The following MCUR1 variants were observed in gnomAD, a reference collection of about 807,000 sequenced individuals.
MCUR1 encodes the protein mitochondrial calcium uniporter regulator 1.
MCUR1 carries 37 observed loss-of-function variants against 42.0 expected under a neutral mutation model. That is an observed-to-expected ratio of 0.88 (90% CI 0.68 to 1.16). MCUR1 has a LOEUF of 1.16. MCUR1 is among the 50% of genes most tolerant of loss of function. The pLI, the probability that MCUR1 is intolerant of heterozygous loss-of-function variation, is 0.00. For missense variants in MCUR1, 469 were observed against 468.4 expected, an observed-to-expected ratio of 1.00 and a Z score of -0.01; for synonymous variants, 229 against 196.2, an observed-to-expected ratio of 1.17 and a Z score of -1.40.
Position 13,805,805 on chromosome 6 carries a change from TAGAG to T in MCUR1, c.535+1116_535+1119del, listed in dbSNP as rs1396357479. On this transcript the variant is annotated intron_variant, in intron 2 of 8. Transcript: ENST00000379170. Reference sequence around the variant, plus strand: ...TGATTTTTGAGAATGTGTCACCATATAGAGAATTATAATCGGTGTATTTGTCTAA... The same window carrying T: ...TGATTTTTGAGAATGTGTCACCATATAATTATAATCGGTGTATTTGTCTAA... 7.2e-5 allele frequency among the ~76,000 whole-genome samples: 11 copies of T among 152,344 alleles called. No homozygotes were observed. In the East Asian group the frequency reaches 2.1e-3, roughly 29 times the overall value.
intron 5 of MCUR1, 123 bp downstream of exon 5, chr6:13,800,206 TGTGTACTTTTGA>T: frequency 1.7e-6 from 1 of 605,290 alleles, no homozygotes; most frequent in African/African-American, 1.9e-5. Flanking sequence ...AATCTTCCAA[TGTGTACTTTTGA>T]GGCATATTAC....
intron 6 of MCUR1, among the ~76,000 whole-genome samples, chr6:13,796,413 G>A (rs1184979215): frequency 6.6e-6 from 1 of 150,814 alleles, no homozygotes; most frequent in Non-Finnish European, 1.5e-5. Context: ...TCAGTCTCCC[G>A]AGTAGCTGAG....
At chr6:13,811,399 T>C (rs1430803253) in intron 1 of MCUR1, among the ~76,000 whole-genome samples, 2 of 152,120 alleles carry the variant, frequency 1.3e-5, no homozygotes, top group African/African-American at 2.4e-5. Context: ...TATGAAACTG[T>C]CTAGAGGGAA....
At chr6:13,809,774 TTCCCAGCTAC>T (rs1258043311) in intron 1 of MCUR1, among the ~76,000 whole-genome samples, 42 of 151,540 alleles carry the variant, frequency 2.8e-4, no homozygotes, top group African/African-American at 1.0e-3. Context: ...TGTGCCTGTA[TTCCCAGCTAC>T]TCCCAGCTAC....
chr6:13,797,711 C>A (rs1759889131), intron 6 of MCUR1, among the ~76,000 whole-genome samples: 2 of 148,446 alleles, frequency 1.3e-5, no homozygotes, highest in South Asian at 2.1e-4. Flanking sequence ...CCGCCTCAAA[C>A]AAAAACAAAG....
chr6:13,800,282 A>C (rs553770827), intron 5 of MCUR1, 59 bp downstream of exon 5: 1 of 1,108,884 alleles, frequency 9.0e-7, no homozygotes, highest in African/African-American at 1.6e-5. Flanking sequence ...CTAATATTAT[A>C]CTTATTAATA....
rs1759612466 is a variant in MCUR1 at position 13,786,765 on chromosome 6, T to A, written c.*4044A>T. 1 of 152,168 alleles carries A rather than the reference T, an allele frequency of 6.6e-6. No homozygotes were observed. Among genetic ancestry groups the A allele is most frequent in the South Asian group, 2.1e-4 (1 of 4,834 alleles). The allele number at this position is 152,168 out of a possible 1,614,324, so 9.4% of individuals were successfully genotyped here. A position where few individuals can be genotyped will look rare whatever the true frequency, so the allele number is the denominator to read the frequency against. ...TTTTAGATAGTAAGAATCTTACACT[T>A]TATTAGATAATAAAACATAATTGAT... On this transcript the variant is annotated 3_prime_UTR_variant, in exon 9 of 9. Coordinates refer to ENST00000379170, the MANE Select transcript of MCUR1 (RefSeq NM_001031713.4).
At chr6:13,790,992 C>G (rs1038971806) in intron 8 of MCUR1, 128 bp from the exon 9 acceptor site, 6 of 595,700 alleles carry the variant, frequency 1.0e-5, no homozygotes, top group Non-Finnish European at 1.8e-5. Context: ...TCCCATATTC[C>G]GTGAAACGCC....
rs1230089057 is a variant in MCUR1 at position 13,804,814 on chromosome 6, A to AAAG, written c.535+2110_535+2111insCTT. ...CCAAAAAAAAAAAAAAAAAAAAAAA[A>AAAG]GTGGAAGTCTGAAAACCTACTGAGT... On this transcript the variant is annotated intron_variant, in intron 2 of 8. Coordinates refer to ENST00000379170, the MANE Select transcript of MCUR1 (RefSeq NM_001031713.4). Among the ~76,000 whole-genome samples, 374 of 148,792 alleles carry AAAG rather than the reference A, an allele frequency of 2.5e-3. 2 individuals are homozygous for AAAG. The highest frequency in any genetic ancestry group is 8.9e-3 in the African/African-American group (352 of 39,610).
At chr6:13,798,433 T>C (rs1223447298) in intron 6 of MCUR1, among the ~76,000 whole-genome samples, 1 of 151,726 alleles carries the variant, frequency 6.6e-6, no homozygotes, top group African/African-American at 2.4e-5. Flanking sequence ...CAGTATATAA[T>C]TTAATATTAT....
rs1460541836 is a variant in MCUR1, at chr6:13,786,762, A to G, written c.*4047T>C. Reference sequence around the variant, plus strand: ...ATATTTTAGATAGTAAGAATCTTACACTTTATTAGATAATAAAACATAATT... The same window carrying G: ...ATATTTTAGATAGTAAGAATCTTACGCTTTATTAGATAATAAAACATAATT... On this transcript the variant is annotated 3_prime_UTR_variant, in exon 9 of 9. Coordinates refer to ENST00000379170, the MANE Select transcript of MCUR1 (RefSeq NM_001031713.4). The G allele has an allele frequency of 2.0e-5, 3 of 152,202 alleles. No homozygotes were observed. The highest frequency in any genetic ancestry group is 7.2e-5 in the African/African-American group (3 of 41,462). The allele number at this position is 152,202 out of a possible 1,614,324, so 9.4% of individuals were successfully genotyped here.
chr6:13,802,801 T>C (rs1025939500), intron 2 of MCUR1, among the ~76,000 whole-genome samples: 2 of 152,220 alleles, frequency 1.3e-5, no homozygotes, highest in African/African-American at 4.8e-5. Flanking sequence ...TTTTATAATG[T>C]GTACATTATT....
intron 6 of MCUR1, among the ~76,000 whole-genome samples, chr6:13,798,441 T>A (rs1759905373): frequency 6.6e-6 from 1 of 151,812 alleles, no homozygotes; most frequent in African/African-American, 2.4e-5. Context: ...AATTTAATAT[T>A]ATTTAATGTT....
chr6:13,805,363 T>C (rs1288889168), intron 2 of MCUR1, among the ~76,000 whole-genome samples: 1 of 152,174 alleles, frequency 6.6e-6, no homozygotes, highest in Non-Finnish European at 1.5e-5. Flanking sequence ...TGAAAGAAGT[T>C]TTGGCGAAAA....
intron 5 of MCUR1, 122 bp downstream of exon 5, chr6:13,800,219 G>T: frequency 1.5e-6 from 1 of 647,788 alleles, no homozygotes; most frequent in South Asian, 2.1e-5. Flanking sequence ...GTACTTTTGA[G>T]GCATATTACA....
chr6:13,792,534 G>A (rs928262012), intron 7 of MCUR1, among the ~76,000 whole-genome samples: 1 of 152,096 alleles, frequency 6.6e-6, no homozygotes, highest in Non-Finnish European at 1.5e-5. Flanking sequence ...CAAATATCAA[G>A]TGTTTCATTA....
chr6:13,802,398 C>T (rs1375979977), intron 2 of MCUR1, 52 bp from the exon 3 acceptor site: 4 of 1,372,322 alleles, frequency 2.9e-6, no homozygotes, highest in Non-Finnish European at 4.2e-6. Flanking sequence ...CAAAAGCCCA[C>T]AGCAAATGCA....
chr6:13,803,865 G>A, intron 2 of MCUR1: 1 of 985,284 alleles, frequency 1.0e-6, no homozygotes, highest in Non-Finnish European at 1.2e-6. Context: ...GGGTGTGGTG[G>A]CTCACGCCTG....
chr6:13,786,859 A>G lies in MCUR1; in HGVS notation c.*3950T>C, dbSNP rs544374383. 1.3e-5 allele frequency: 2 copies of G among 151,616 alleles called. No homozygotes were observed. The highest frequency in any genetic ancestry group is 4.1e-4 in the South Asian group (2 of 4,832). 9.4% of individuals were successfully genotyped at this position (151,616 alleles called of 1,614,324 possible). A position where few individuals can be genotyped will look rare whatever the true frequency, so the allele number is the denominator to read the frequency against. On this transcript the variant is annotated 3_prime_UTR_variant, in exon 9 of 9. Coordinates refer to ENST00000379170, the MANE Select transcript of MCUR1 (RefSeq NM_001031713.4). ...AAAGGAACATAAGTGTAAAATGTGTAGAAAGATAAATATTTTCCAAATAAA... is the reference window on the plus strand; with the variant it reads ...AAAGGAACATAAGTGTAAAATGTGTGGAAAGATAAATATTTTCCAAATAAA...
Sources: allele counts gnomAD v4.1 joint callset (sites outside exome capture counted in the v4.1 genomes callset), GRCh38; gene constraint gnomAD v4.1.1; transcripts MANE v1.5; gene names NCBI Gene and HGNC (gene_info 2026-07-23, HGNC 2026-07-21).